The following CREB3L3 variants were observed in gnomAD, a reference collection of about 807,000 sequenced individuals.
The protein encoded by CREB3L3 is cyclic AMP-responsive element-binding protein 3-like protein 3.
CREB3L3 carries 40 observed loss-of-function variants against 44.6 expected under a neutral mutation model. The observed-to-expected ratio is 0.90, with a 90% CI of 0.70 to 1.17. CREB3L3 has a LOEUF of 1.17. CREB3L3 is among the 50% of genes most tolerant of loss of function. The pLI is 0.00. For synonymous variants in CREB3L3, 273 were observed against 256.3 expected (o/e 1.06, Z -0.62); for missense variants, 578 against 595.8 (o/e 0.97, Z 0.31).
Position 4,154,202 on chromosome 19 carries a change from G to A in CREB3L3, c.27+428G>A, listed in dbSNP as rs10408060. On this transcript the variant is annotated intron_variant, in intron 1 of 9. Coordinates refer to ENST00000078445, the MANE Select transcript of CREB3L3 (RefSeq NM_032607.3). ...TCTTCCTGCCTCAGCCTCCCAAGTA[G>A]TTGGGATTACAGGTGTGCACCACCA... Among the ~76,000 whole-genome samples, 884 of 152,152 alleles carry A rather than the reference G, an allele frequency of 5.8e-3. 4 individuals are homozygous for A. The highest frequency in any genetic ancestry group is 0.02 in the African/African-American group (836 of 41,502).
At chr19:4,154,051 T>TTTTTA (rs543004293) in intron 1 of CREB3L3, among the ~76,000 whole-genome samples, 8 of 152,232 alleles carry the variant, frequency 5.3e-5, no homozygotes, top group South Asian at 2.1e-4. Flanking sequence ...TCTCCAGCAC[T>TTTTTA]TTTTATTTTA....
At position 4,156,436 on chromosome 19, in the gene CREB3L3, C is replaced by G. The variant is rs1423241338; in HGVS notation, c.157-559C>G. On this transcript the variant is annotated intron_variant, in intron 2 of 9. Transcript: ENST00000078445. Reference sequence around the variant, plus strand: ...TCCCGACCTCAGGTGATCTGCCCGCCTTGGCCTCCCAAAGTGCTGGGATTA... The same window carrying G: ...TCCCGACCTCAGGTGATCTGCCCGCGTTGGCCTCCCAAAGTGCTGGGATTA... Among the ~76,000 whole-genome samples the G allele has an allele frequency of 1.1e-4, 16 of 152,038 alleles. No homozygotes were observed. The East Asian group carries it at 2.3e-3, about 22-fold the overall frequency.
At position 4,168,239 on chromosome 19, in the gene CREB3L3, T is replaced by C. The variant is rs989073927; in HGVS notation, c.715-112T>C. ...GTCTCGAACTCCTGACCTCAGGTGATACGCCTGCCTCGGCCTCCCAAAGTG... is the reference window on the plus strand; with the variant it reads ...GTCTCGAACTCCTGACCTCAGGTGACACGCCTGCCTCGGCCTCCCAAAGTG... On this transcript the variant is annotated intron_variant, in intron 5 of 9. Coordinates refer to ENST00000078445, the MANE Select transcript of CREB3L3 (RefSeq NM_032607.3). 5.7e-6 allele frequency: 4 copies of C among 704,054 alleles called. No individual in the cohort carries two copies. In the African/African-American group the frequency reaches 7.1e-5, roughly 13 times the overall value. The allele number at this position is 704,054 out of a possible 1,614,324, so 43.6% of individuals were successfully genotyped here. A position where few individuals can be genotyped will look rare whatever the true frequency, so the allele number is the denominator to read the frequency against.
chr19:4,167,452 AGAAAAG>A (rs1966936985), intron 5 of CREB3L3, among the ~76,000 whole-genome samples: 1 of 139,572 alleles, frequency 7.2e-6, no homozygotes, highest in Non-Finnish European at 1.5e-5. Flanking sequence ...AAAGAAAGGA[AGAAAAG>A]AAGGAAAGAA....
intron 2 of CREB3L3, 66 bp from the exon 3 acceptor site, chr19:4,156,929 G>C: frequency 6.5e-7 from 1 of 1,550,070 alleles, no homozygotes; most frequent in South Asian, 1.1e-5. Flanking sequence ...TTTCCCTGGG[G>C]CCACACACTA....
chr19:4,168,220 A>G, intron 5 of CREB3L3, 131 bp from the exon 6 acceptor site: 1 of 617,962 alleles, frequency 1.6e-6, no homozygotes, highest in Non-Finnish European at 3.0e-6. Flanking sequence ...GCTGGTCTCG[A>G]ACTCCTGACC....
At position 4,171,100 on chromosome 19, in the gene CREB3L3, G is replaced by A. The variant is rs1967035455; in HGVS notation, c.900G>A (p.Leu300=). The A allele has an allele frequency of 6.2e-7, 1 of 1,613,722 alleles. No individual in the cohort carries two copies. Among genetic ancestry groups the A allele is most frequent in the African/African-American group, 1.3e-5 (1 of 74,924 alleles). ...TGCCTGTCTCTCTAAGGTCCCTCTT[G>A]GAGCAACTGAAGAAACTCCAGGCCA... ...LHLEKQNLSL[L]EQLKKLQAIV... is the part of the protein sequence containing the mutation. The change falls in exon 8 of 10, where the codon TTG becomes TTA. Residue 300 remains leucine (L), a synonymous_variant. Coordinates refer to ENST00000078445, the MANE Select transcript of CREB3L3 (RefSeq NM_032607.3). This position sits in a 1 kb window ranked among gnomAD's most constrained non-coding sequence, Gnocchi z 4.9.
chr19:4,168,740 T>C (rs1966978920), intron 6 of CREB3L3, among the ~76,000 whole-genome samples: 2 of 152,146 alleles, frequency 1.3e-5, no homozygotes, highest in South Asian at 4.2e-4. Flanking sequence ...GACACTTCCT[T>C]TTTGTGTGTG....
At chr19:4,170,483 G>A (rs1201216823) in intron 7 of CREB3L3, among the ~76,000 whole-genome samples, 2 of 152,042 alleles carry the variant, frequency 1.3e-5, no homozygotes, top group African/African-American at 4.8e-5. Flanking sequence ...GTGGTGGCGG[G>A]CACCTGCAGT....
chr19:4,164,571 C>T lies in CREB3L3; in HGVS notation c.645C>T (p.Leu215=). Residue 215 remains leucine, a synonymous_variant, in exon 5 of 10, where the codon CTC becomes CTT. Transcript: ENST00000078445. The part of the protein sequence containing the change: ...PGAGHCQELV[L]TEDEKKLLAK... The stretch of plus-strand genomic sequence containing the variant: ...CTGGGCACTGTCAGGAGCTGGTGCT[C>T]ACCGAGGATGAGAAGAAGCTGCTGG... The T allele has an allele frequency of 6.2e-7, 1 of 1,614,146 alleles. No individual in the cohort carries two copies. Among genetic ancestry groups the T allele is most frequent in the Non-Finnish European group, 8.5e-7 (1 of 1,180,026 alleles).
rs1171096435 is a variant in CREB3L3 at position 4,169,402 on chromosome 19, C to T, written c.822-738C>T. On this transcript the variant is annotated intron_variant, in intron 6 of 9. Coordinates refer to ENST00000078445, the MANE Select transcript of CREB3L3 (RefSeq NM_032607.3). ...GGCTGAGGCAGGAGAATGGCGTGAA[C>T]CCAGAAGGCAGAGCTTGCAGTGAGT... Among the ~76,000 whole-genome samples, 2 of 151,808 alleles carry T rather than the reference C, an allele frequency of 1.3e-5. 1 individual carries two copies. The highest frequency in any genetic ancestry group is 1.3e-4 in the Admixed American group (2 of 15,204).
At position 4,171,955 on chromosome 19, in the gene CREB3L3, G is replaced by T; in HGVS notation, c.1372G>T (p.Gly458Ter). 1 of 1,600,888 alleles carries T rather than the reference G, an allele frequency of 6.2e-7. No individual in the cohort carries two copies. Among genetic ancestry groups the T allele is most frequent in the Non-Finnish European group, 8.5e-7 (1 of 1,175,262 alleles). ...GSGRAGLEAA[G>*]DEL ...AGGACGTGCAGGGCTGGAGGCGGCGGGAGACGAGCTGTGAGCCCCGCCAGG... is the reference window on the plus strand; with the variant it reads ...AGGACGTGCAGGGCTGGAGGCGGCGTGAGACGAGCTGTGAGCCCCGCCAGG... The change falls in exon 10 of 10, where the codon GGA (glycine) becomes TGA (stop). Residue 458 changes from glycine (G) to a stop codon, truncating the protein, a stop_gained. Transcript: ENST00000078445. LOFTEE classifies it high-confidence loss of function. This position sits in a 1 kb window ranked among gnomAD's most constrained non-coding sequence, Gnocchi z 4.9.
intron 3 of CREB3L3, 76 bp downstream of exon 3, chr19:4,157,371 C>G: frequency 6.6e-7 from 1 of 1,518,806 alleles, no homozygotes; most frequent in African/African-American, 1.4e-5. Flanking sequence ...AAATGGAGGC[C>G]CAGAGAGGGC....
chr19:4,154,776 G>A (rs1479479610), intron 1 of CREB3L3, 123 bp from the exon 2 acceptor site: 9 of 1,430,710 alleles, frequency 6.3e-6, no homozygotes, highest in Non-Finnish European at 7.8e-6. Context: ...GGCAGCAGCT[G>A]GCCCAACCCG....
At chr19:4,156,720 T>C (rs1277581173) in intron 2 of CREB3L3, among the ~76,000 whole-genome samples, 1 of 151,554 alleles carries the variant, frequency 6.6e-6, no homozygotes, top group African/African-American at 2.4e-5. Context: ...CAGGCGGATC[T>C]CGAACTCCTG....
In CREB3L3 at chr19:4,155,810, C is replaced by T. The variant is rs866293078; in HGVS notation, c.156+783C>T. ...TCACCCAGGCTGGAGCGCAATGGCG[C>T]GATCTTGGCTCACTGCAACCTCCGC... On this transcript the variant is annotated intron_variant, in intron 2 of 9. Transcript: ENST00000078445. Among the ~76,000 whole-genome samples the T allele has an allele frequency of 1.6e-4, 24 of 145,540 alleles. 1 individual carries two copies. In the South Asian group the frequency reaches 2.8e-3, roughly 17 times the overall value.
At chr19:4,162,287 T>C (rs1420100767) in intron 4 of CREB3L3, among the ~76,000 whole-genome samples, 1 of 152,104 alleles carries the variant, frequency 6.6e-6, no homozygotes, top group African/African-American at 2.4e-5. Flanking sequence ...ATTACAGGCA[T>C]GAGCCACTGT....
chr19:4,156,064 TTCTCTCTCTCTCTCGTTTCTCTCTCTC>T (rs2041568659), intron 2 of CREB3L3, among the ~76,000 whole-genome samples: 1 of 142,192 alleles, frequency 7.0e-6, no homozygotes, highest in Non-Finnish European at 1.6e-5. Flanking sequence ...TTCTCTTTCT[TTCTCTCTCTCTCTCGTTTCTCTCTCTC>T]TCTCTCTCTC....
At chr19:4,161,060 C>T (rs350864) in intron 4 of CREB3L3, among the ~76,000 whole-genome samples, 82,999 of 151,362 alleles carry the variant, frequency 0.55, 23,090 homozygotes, top group East Asian at 0.65. Context: ...TACAGGCGCC[C>T]GCCACCACAC....
Sources: allele counts gnomAD v4.1 joint callset (sites outside exome capture counted in the v4.1 genomes callset), GRCh38; gene constraint gnomAD v4.1.1; non-coding constraint Gnocchi (gnomAD v3.1); transcripts MANE v1.5; gene names NCBI Gene and HGNC (gene_info 2026-07-23, HGNC 2026-07-21).